Variants in CCDC137 observed in about 807,000 individuals in gnomAD.
CCDC137 encodes the protein coiled-coil domain-containing protein 137.
A neutral mutation model predicts 30.4 loss-of-function variants in CCDC137; 24 were observed. That is an observed-to-expected ratio of 0.79 (90% CI 0.57 to 1.11). The LOEUF (loss-of-function observed/expected upper bound fraction) is 1.11. Among genes scored for constraint, CCDC137 ranks in the 50% least tolerant of loss-of-function variants. The pLI is 0.00. For missense variants in CCDC137, 417 were observed against 380.4 expected (o/e 1.10, Z -0.80); for synonymous variants, 182 against 155.7 (o/e 1.17, Z -1.26).
At position 81,667,790 on chromosome 17, in the gene CCDC137, C is replaced by T. The variant is rs1010830971; in HGVS notation, c.196C>T (p.Arg66Trp). Residue 66 changes from arginine (R) to tryptophan (W), a missense_variant, in exon 2 of 6, where the codon CGG becomes TGG. Transcript: ENST00000329214. Reference protein sequence around the residue: ...KNQDEQEIPFRLREIMRSRQE... With the variant: ...KNQDEQEIPFWLREIMRSRQE... The stretch of plus-strand genomic sequence containing the variant: ...CCAGGACGAACAGGAGATTCCTTTC[C>T]GGCTCCGGGAGATTATGAGGAGCCG... 5.0e-6 allele frequency: 8 copies of T among 1,613,022 alleles called. No individual in the cohort carries two copies. The highest frequency in any genetic ancestry group is 3.3e-5 in the Admixed American group (2 of 59,982).
intron 1 of CCDC137, among the ~76,000 whole-genome samples, chr17:81,667,394 C>T (rs546461188): frequency 6.8e-6 from 1 of 147,982 alleles, no homozygotes; most frequent in African/African-American, 2.5e-5. Flanking sequence ...GTGGCGCGAT[C>T]TCGGCTCACT....
At position 81,666,857 on chromosome 17, in the gene CCDC137, C is replaced by G; in HGVS notation, c.91C>G (p.Pro31Ala). 1 of 1,320,964 alleles carries G rather than the reference C, an allele frequency of 7.6e-7. No individual in the cohort carries two copies. The allele number at this position is 1,320,964 out of a possible 1,614,324, so 81.8% of individuals were successfully genotyped here. The change falls in exon 1 of 6, where the codon CCG becomes GCG. Residue 31 changes from proline (P) to alanine (A), a missense_variant. By Grantham distance (27) the Pro-to-Ala change is conservative (BLOSUM62 -1). Transcript: ENST00000329214. ...RRARGRQQVQPLGKQRPAPWP... is the reference protein window; with the variant it reads ...RRARGRQQVQALGKQRPAPWP... ...AGCGCGGGGGCGGCAGCAAGTGCAGCCGCTGGGGAAGCAGCGCCCAGCCCC... is the reference window on the plus strand; with the variant it reads ...AGCGCGGGGGCGGCAGCAAGTGCAGGCGCTGGGGAAGCAGCGCCCAGCCCC...
intron 3 of CCDC137, among the ~76,000 whole-genome samples, chr17:81,671,112 CAG>C (rs926352109): frequency 6.8e-6 from 1 of 147,480 alleles, no homozygotes; most frequent in African/African-American, 2.5e-5. Context: ...AGCCTGGTGA[CAG>C]AGCGAGACTC....
Position 81,670,331 on chromosome 17 carries a change from T to C in CCDC137, c.375T>C (p.Tyr125=). 1 of 1,613,976 alleles carries C rather than the reference T, an allele frequency of 6.2e-7. No homozygotes were observed. Among genetic ancestry groups the C allele is most frequent in the Admixed American group, 1.7e-5 (1 of 60,012 alleles). The part of the protein sequence containing the change: ...KQRKGESDGA[Y]IHRMQQEAQH... The stretch of plus-strand genomic sequence containing the variant: ...GGAAGGGGGAGTCTGACGGGGCCTA[T>C]ATCCACCGCATGCAGCAAGAGGCCC... Residue 125 remains tyrosine, a synonymous_variant, in exon 3 of 6, where the codon TAT becomes TAC. Coordinates refer to ENST00000329214, the MANE Select transcript of CCDC137 (RefSeq NM_199287.3).
chr17:81,671,911 C>A, intron 4 of CCDC137, 85 bp downstream of exon 4: 1 of 1,515,870 alleles, frequency 6.6e-7, no homozygotes, highest in Non-Finnish European at 9.1e-7. Context: ...GCCCTGGCTG[C>A]ACTGGGCACC....
rs111614108 is a variant in CCDC137 at position 81,672,974 on chromosome 17, C to A, written c.*270C>A. ...TGAACGTCCATTCTGAGTCTCAGCC[C>A]AGGTGGACCTTAGGAAGGGCTGGAT... is the stretch of plus-strand genomic sequence containing the variant. On this transcript the variant is annotated 3_prime_UTR_variant, in exon 6 of 6. Coordinates refer to ENST00000329214, the MANE Select transcript of CCDC137 (RefSeq NM_199287.3). 2 of 516,184 alleles carry A rather than the reference C, an allele frequency of 3.9e-6. No individual in the cohort carries two copies. The highest frequency in any genetic ancestry group is 1.9e-5 in the African/African-American group (1 of 52,276). 32.0% of individuals were successfully genotyped at this position (516,184 alleles called of 1,614,324 possible). A position where few individuals can be genotyped will look rare whatever the true frequency, so the allele number is the denominator to read the frequency against.
chr17:81,672,714 A>T lies in CCDC137; in HGVS notation c.*10A>T, dbSNP rs776318029. 19 of 1,558,578 alleles carry T rather than the reference A, an allele frequency of 1.2e-5. No homozygotes were observed. In the African/African-American group the frequency reaches 2.3e-4, roughly 19 times the overall value. On this transcript the variant is annotated 3_prime_UTR_variant, in exon 6 of 6. Transcript: ENST00000329214. ...AGAGCCGCAGCTGTGATGGAGAGAC[A>T]CCCGGGGCCTGGCCACGCTCTGGGG...
rs778335489 is a variant in CCDC137 at position 81,670,466 on chromosome 17, G to A, written c.497+13G>A. 17 of 1,602,388 alleles carry A rather than the reference G, an allele frequency of 1.1e-5. No homozygotes were observed. Among genetic ancestry groups the A allele is most frequent in the Middle Eastern group, 1.8e-4 (1 of 5,552 alleles). ...AAGCAAAAAAAGCGTGAGTGGAGGC[G>A]GGAGGGGGAGGGGTCTGCCCTGGGA... On this transcript the variant is annotated intron_variant, in intron 3 of 5. Coordinates refer to ENST00000329214, the MANE Select transcript of CCDC137 (RefSeq NM_199287.3).
chr17:81,672,347 A>AC, intron 5 of CCDC137, 148 bp from the exon 6 acceptor site: 1 of 948,132 alleles, frequency 1.1e-6, no homozygotes, highest in East Asian at 2.6e-5. Flanking sequence ...CAAGAAAAAA[A>AC]AAAACCCTCA....
Position 81,673,177 on chromosome 17 carries a change from G to A in CCDC137, c.*473G>A, listed in dbSNP as rs948119994. Reference sequence around the variant, plus strand: ...GGGACCGTGACTACAGGCCAGCTGTGAGTGGTCCCCTACAGAGGCTGCCCA... The same window carrying A: ...GGGACCGTGACTACAGGCCAGCTGTAAGTGGTCCCCTACAGAGGCTGCCCA... On this transcript the variant is annotated 3_prime_UTR_variant, in exon 6 of 6. Transcript: ENST00000329214. The A allele has an allele frequency of 1.2e-5, 2 of 166,292 alleles. No individual in the cohort carries two copies. The highest frequency in any genetic ancestry group is 4.8e-5 in the African/African-American group (2 of 41,720). 10.3% of individuals were successfully genotyped at this position (166,292 alleles called of 1,614,324 possible).
At position 81,667,117 on chromosome 17, in the gene CCDC137, A is replaced by T. The variant is rs1326825731; in HGVS notation, c.134+217A>T. ...CTTGGTTTTGCCTTTCCCGCGTCCC[A>T]GTGTCCCGTCTTTGTGGTTCTGGAC... On this transcript the variant is annotated intron_variant, in intron 1 of 5. Coordinates refer to ENST00000329214, the MANE Select transcript of CCDC137 (RefSeq NM_199287.3). 1.8e-5 allele frequency: 8 copies of T among 447,510 alleles called. No individual in the cohort carries two copies. In the East Asian group the frequency reaches 2.9e-4, roughly 16 times the overall value. The allele number at this position is 447,510 out of a possible 1,614,324, so 27.7% of individuals were successfully genotyped here.
intron 3 of CCDC137, among the ~76,000 whole-genome samples, chr17:81,671,229 C>T (rs560929791): frequency 2.0e-5 from 3 of 152,268 alleles, no homozygotes; most frequent in South Asian, 2.1e-4. Flanking sequence ...TTATAGTTAC[C>T]TTAGCCAGTG....
intron 1 of CCDC137, 97 bp from the exon 2 acceptor site, chr17:81,667,632 G>A (rs1486772798): frequency 2.1e-6 from 3 of 1,457,764 alleles, no homozygotes; most frequent in Non-Finnish European, 2.8e-6. Flanking sequence ...CGGCCAGCCC[G>A]TGTAGATTCT....
chr17:81,671,946 C>G (rs1473207084), intron 4 of CCDC137, 120 bp downstream of exon 4: 19 of 1,446,240 alleles, frequency 1.3e-5, no homozygotes, highest in Non-Finnish European at 1.7e-5. Context: ...GGGTCCACAG[C>G]CATTAGACCA....
In CCDC137 at chr17:81,673,783, CG is replaced by C. The variant is rs2036751740; in HGVS notation, c.*1080del. ...GCCACCCCGTCTGGCAAGTGAGGAGCGCCTCTGCCCGGCCGCTGTGCAACCT... is the reference window on the plus strand; with the variant it reads ...GCCACCCCGTCTGGCAAGTGAGGAGCCCTCTGCCCGGCCGCTGTGCAACCT... On this transcript the variant is annotated 3_prime_UTR_variant, in exon 6 of 6. Coordinates refer to ENST00000329214, the MANE Select transcript of CCDC137 (RefSeq NM_199287.3). 6.6e-6 allele frequency: 1 copy of C among 152,386 alleles called. No individual in the cohort carries two copies. Among genetic ancestry groups the C allele is most frequent in the Admixed American group, 6.5e-5 (1 of 15,306 alleles). The allele number at this position is 152,386 out of a possible 1,614,324, so 9.4% of individuals were successfully genotyped here.
rs1598735085 is a variant in CCDC137, at chr17:81,672,762, C to T, written c.*58C>T. 2.7e-6 allele frequency: 4 copies of T among 1,459,330 alleles called. No homozygotes were observed. The highest frequency in any genetic ancestry group is 5.0e-5 in the East Asian group (2 of 40,328). The allele number at this position is 1,459,330 out of a possible 1,614,324, so 90.4% of individuals were successfully genotyped here. A position where few individuals can be genotyped will look rare whatever the true frequency, so the allele number is the denominator to read the frequency against. Reference sequence around the variant, plus strand: ...GGGCAACTGGCACCAGGAGCTGCTACACCTGGGTAGGAGAGAGGCAGGCCA... The same window carrying T: ...GGGCAACTGGCACCAGGAGCTGCTATACCTGGGTAGGAGAGAGGCAGGCCA... On this transcript the variant is annotated 3_prime_UTR_variant, in exon 6 of 6. Transcript: ENST00000329214.
chr17:81,667,040 G>A (rs2036642187), intron 1 of CCDC137, 140 bp downstream of exon 1: 1 of 890,134 alleles, frequency 1.1e-6, no homozygotes. Flanking sequence ...GTCTGTGCCC[G>A]CGGCCCACGC....
At chr17:81,667,270 G>A (rs1468251309) in intron 1 of CCDC137, among the ~76,000 whole-genome samples, 2 of 151,948 alleles carry the variant, frequency 1.3e-5, no homozygotes. Flanking sequence ...TGGACTGCTG[G>A]ACCGGCTCGC....
At chr17:81,672,250 A>C (rs2036728139) in intron 5 of CCDC137, 95 bp downstream of exon 5, 1 of 1,291,036 alleles carries the variant, frequency 7.7e-7, no homozygotes, top group African/African-American at 1.5e-5. Context: ...CACACCTGTA[A>C]TCCCAGCACA....
Sources: allele counts gnomAD v4.1 joint callset (sites outside exome capture counted in the v4.1 genomes callset), GRCh38; gene constraint gnomAD v4.1.1; transcripts MANE v1.5; gene names NCBI Gene and HGNC (gene_info 2026-07-23, HGNC 2026-07-21).